PSD3: variants seen among roughly 807,000 people sequenced by gnomAD.
The protein encoded by PSD3 is pleckstrin and Sec7 domain containing 3.
Under a neutral mutation model 105.5 loss-of-function variants are expected in PSD3, and 49 were observed. The observed-to-expected ratio is 0.46, with a 90% CI of 0.37 to 0.59. The LOEUF (loss-of-function observed/expected upper bound fraction) is 0.59. Among genes scored for constraint, PSD3 ranks in the 20% least tolerant of loss-of-function variants. The pLI is 0.00. For missense variants in PSD3, 1,561 were observed against 1,263.8 expected, an observed-to-expected ratio of 1.24 and a Z score of -3.57; for synonymous variants, 557 against 457.8, an observed-to-expected ratio of 1.22 and a Z score of -2.77.
At chr8:18,952,941 T>G (rs958978973) in intron 1 of PSD3, among the ~76,000 whole-genome samples, 3 of 151,970 alleles carry the variant, frequency 2.0e-5, no homozygotes, top group African/African-American at 7.3e-5. Flanking sequence ...AAAGACAACA[T>G]AAGCAAAGAT....
intron 8 of PSD3, among the ~76,000 whole-genome samples, chr8:18,795,279 G>A (rs1226312137): frequency 6.6e-6 from 1 of 152,124 alleles, no homozygotes; most frequent in Non-Finnish European, 1.5e-5. Flanking sequence ...TACTCAACAT[G>A]CTCTGAGTAT....
chr8:19,081,671 C>A (rs1447097877), intron 1 of PSD3, among the ~76,000 whole-genome samples: 1 of 152,314 alleles, frequency 6.6e-6, no homozygotes, highest in Non-Finnish European at 1.5e-5. Flanking sequence ...AAGAACCAAC[C>A]AATGAAGATT....
chr8:18,657,549 C>T (rs143738357), intron 9 of PSD3, among the ~76,000 whole-genome samples: 4 of 152,260 alleles, frequency 2.6e-5, no homozygotes, highest in Non-Finnish European at 5.9e-5. Context: ...GGCACAAAGA[C>T]TATGCTATAA....
chr8:18,680,014 A>G (rs977505454), intron 9 of PSD3, among the ~76,000 whole-genome samples: 1 of 152,220 alleles, frequency 6.6e-6, no homozygotes, highest in Non-Finnish European at 1.5e-5. Flanking sequence ...ATAAAGAAAC[A>G]ACAGTTTGAG....
intron 8 of PSD3, among the ~76,000 whole-genome samples, chr8:18,780,224 T>C (rs909696439): frequency 1.3e-5 from 2 of 152,208 alleles, no homozygotes; most frequent in Non-Finnish European, 2.9e-5. Context: ...CTGATACTAG[T>C]GTAGCTACTC....
intron 9 of PSD3, among the ~76,000 whole-genome samples, chr8:18,673,246 T>A (rs1799887053): frequency 6.6e-6 from 1 of 151,992 alleles, no homozygotes; most frequent in South Asian, 2.1e-4. Flanking sequence ...CGTCTCTTTC[T>A]TTCCACTCCC....
intron 9 of PSD3, among the ~76,000 whole-genome samples, chr8:18,696,171 T>A (rs1009265759): frequency 6.6e-6 from 1 of 152,198 alleles, no homozygotes; most frequent in South Asian, 2.1e-4. Flanking sequence ...TCTGCAAGGA[T>A]TCACAGAGGC....
intron 11 of PSD3, among the ~76,000 whole-genome samples, chr8:18,613,260 T>C (rs1805405673): frequency 6.6e-6 from 1 of 151,988 alleles, no homozygotes; most frequent in African/African-American, 2.4e-5. Context: ...CCCACCCTTT[T>C]CCCCAAATGA....
At chr8:18,768,677 G>T (rs1371830403) in intron 8 of PSD3, among the ~76,000 whole-genome samples, 1 of 152,164 alleles carries the variant, frequency 6.6e-6, no homozygotes, top group Admixed American at 6.5e-5. Context: ...ACATACACCT[G>T]TGTGCCATAG....
intron 4 of PSD3, among the ~76,000 whole-genome samples, chr8:18,861,838 T>G (rs540188665): frequency 6.6e-6 from 1 of 152,284 alleles, no homozygotes; most frequent in African/African-American, 2.4e-5. Context: ...GCTATTTCCA[T>G]CTTACCAATA....
intron 8 of PSD3, among the ~76,000 whole-genome samples, chr8:18,790,919 C>T (rs1368872131): frequency 6.6e-6 from 1 of 152,132 alleles, no homozygotes; most frequent in Non-Finnish European, 1.5e-5. Context: ...CACTAGCATT[C>T]CTACACACCA....
chr8:18,584,679 C>T (rs1039783484), intron 12 of PSD3, among the ~76,000 whole-genome samples: 3 of 152,200 alleles, frequency 2.0e-5, no homozygotes, highest in Admixed American at 2.0e-4. Context: ...ATGTATAATG[C>T]TCTGATCTGG....
chr8:18,820,118 T>C (rs1812569434), intron 4 of PSD3, among the ~76,000 whole-genome samples: 1 of 151,576 alleles, frequency 6.6e-6, no homozygotes, highest in Non-Finnish European at 1.5e-5. Flanking sequence ...TAAGAATTAT[T>C]AGAAACTCCA....
intron 4 of PSD3, among the ~76,000 whole-genome samples, chr8:18,814,480 C>CT (rs1447116952): frequency 2.6e-5 from 4 of 152,176 alleles, no homozygotes; most frequent in Non-Finnish European, 4.4e-5. Context: ...CAGGTTTTCA[C>CT]TTTTTGTTTT....
chr8:18,625,112 T>G (rs1806383401), intron 11 of PSD3, among the ~76,000 whole-genome samples: 1 of 152,002 alleles, frequency 6.6e-6, no homozygotes, highest in Admixed American at 6.6e-5. Context: ...TCTAAAAATC[T>G]TAGAACCTTG....
chr8:18,795,671 T>C (rs566520150), intron 8 of PSD3, among the ~76,000 whole-genome samples: 1 of 152,278 alleles, frequency 6.6e-6, no homozygotes, highest in East Asian at 1.9e-4. Context: ...ACACCAGCCC[T>C]GGGTGATAAT....
chr8:19,060,419 C>T (rs1037342814), intron 1 of PSD3, among the ~76,000 whole-genome samples: 5 of 152,278 alleles, frequency 3.3e-5, no homozygotes, highest in Admixed American at 3.3e-4. Context: ...TATAGCTCCA[C>T]TCTAACATAT....
chr8:18,933,489 AC>A (rs1821882420), intron 2 of PSD3, among the ~76,000 whole-genome samples: 1 of 152,170 alleles, frequency 6.6e-6, no homozygotes, highest in African/African-American at 2.4e-5. Flanking sequence ...ATTTTTTGAG[AC>A]AGAGTCTCAC....
intron 4 of PSD3, among the ~76,000 whole-genome samples, chr8:18,812,816 G>A (rs138382192): frequency 2.5e-4 from 38 of 152,292 alleles, no homozygotes; most frequent in African/African-American, 9.1e-4. Context: ...GCTGGCCTGC[G>A]GTGGGCCCTG....
Sources: gnomAD v4.1 joint callset for allele counts (sites outside exome capture counted in the v4.1 genomes callset) on GRCh38, gnomAD v4.1.1 for gene constraint, MANE v1.5 for transcripts, NCBI Gene and HGNC (gene_info 2026-07-23, HGNC 2026-07-21) for gene names.